The following GRIP1 variants were observed in gnomAD, a reference collection of about 807,000 sequenced individuals.
The protein encoded by GRIP1 is glutamate receptor interacting protein 1.
In GRIP1, 45 loss-of-function variants were observed where a neutral mutation model predicts 129.9. That is an observed-to-expected ratio of 0.35 (90% CI 0.27 to 0.44). The LOEUF is 0.44. Ranked by LOEUF, GRIP1 falls within the 20% of genes least tolerant of loss-of-function variation. GRIP1 has a pLI of 1.00. For missense variants in GRIP1, 1,196 were observed against 1,396.8 expected (o/e 0.86, Z 2.29); for synonymous variants, 530 against 520.8 (o/e 1.02, Z -0.24).
At chr12:66,509,551 TG>T (rs2060633501) in intron 7 of GRIP1, among the ~76,000 whole-genome samples, 1 of 152,158 alleles carries the variant, frequency 6.6e-6, no homozygotes, top group Non-Finnish European at 1.5e-5. Context: ...TGGACCCAAA[TG>T]CCCATTAATC....
intron 1 of GRIP1, among the ~76,000 whole-genome samples, chr12:66,886,165 C>T (rs943328652): frequency 6.6e-6 from 1 of 152,028 alleles, no homozygotes; most frequent in African/African-American, 2.4e-5. Context: ...AGTTGGGAGG[C>T]TGAGGCAGGA....
chr12:67,059,690 C>T (rs1104655), intron 1 of GRIP1, among the ~76,000 whole-genome samples: 27,153 of 152,122 alleles, frequency 0.18, 2,860 homozygotes, highest in African/African-American at 0.3. Context: ...TTATGTTTCA[C>T]TTGTATATCT....
intron 1 of GRIP1, among the ~76,000 whole-genome samples, chr12:66,705,324 A>T (rs2035489832): frequency 1.3e-5 from 2 of 152,124 alleles, no homozygotes; most frequent in South Asian, 4.1e-4. Flanking sequence ...AAGAGAATAA[A>T]ATACCTAGGA....
intron 1 of GRIP1, among the ~76,000 whole-genome samples, chr12:66,982,116 G>A (rs1051043105): frequency 2.0e-5 from 3 of 152,196 alleles, no homozygotes; most frequent in Admixed American, 6.5e-5. Context: ...TGAGAAAACA[G>A]AAGGTCAAAG....
chr12:66,555,889 T>C (rs1460361648), intron 2 of GRIP1, among the ~76,000 whole-genome samples: 3 of 151,098 alleles, frequency 2.0e-5, no homozygotes, highest in African/African-American at 7.4e-5. Context: ...GAAAAAAGAA[T>C]GAAAAAGGAA....
chr12:66,435,553 G>A (rs2058278554), intron 13 of GRIP1, among the ~76,000 whole-genome samples: 1 of 152,142 alleles, frequency 6.6e-6, no homozygotes, highest in East Asian at 1.9e-4. Context: ...TGAAAGGGGA[G>A]GGGAGCATAC....
chr12:66,859,164 C>A (rs1337870173), intron 1 of GRIP1, among the ~76,000 whole-genome samples: 1 of 149,206 alleles, frequency 6.7e-6, no homozygotes, highest in African/African-American at 2.5e-5. Context: ...AAGCCAGAAG[C>A]AAAACCATTT....
At chr12:66,769,798 G>C (rs1271737570) in intron 1 of GRIP1, among the ~76,000 whole-genome samples, 2 of 151,994 alleles carry the variant, frequency 1.3e-5, no homozygotes, top group African/African-American at 4.8e-5. Flanking sequence ...TACACCTCTT[G>C]AACTCACAAA....
intron 1 of GRIP1, among the ~76,000 whole-genome samples, chr12:66,791,141 G>A (rs1268376240): frequency 6.6e-6 from 1 of 152,172 alleles, no homozygotes; most frequent in East Asian, 1.9e-4. Context: ...ACAAGGCATC[G>A]CTCAATCACT....
chr12:66,969,737 A>G (rs912427690), intron 1 of GRIP1, among the ~76,000 whole-genome samples: 4 of 150,864 alleles, frequency 2.7e-5, no homozygotes, highest in Non-Finnish European at 5.9e-5. Flanking sequence ...CCATTCTTTT[A>G]TTTTTGCATT....
At chr12:66,452,268 C>T (rs911236635) in intron 11 of GRIP1, among the ~76,000 whole-genome samples, 2 of 152,162 alleles carry the variant, frequency 1.3e-5, no homozygotes, top group African/African-American at 4.8e-5. Context: ...CACAGGCAGC[C>T]AGGGAAAGGG....
intron 2 of GRIP1, among the ~76,000 whole-genome samples, chr12:66,570,101 TTGCA>T (rs2062907929): frequency 1.7e-5 from 2 of 115,486 alleles, no homozygotes; most frequent in African/African-American, 6.5e-5. Context: ...TTTGTAGGCA[TTGCA>T]TGTATGTATG....
intron 15 of GRIP1, 52 bp from the exon 16 acceptor site, chr12:66,406,480 C>A (rs776980069): frequency 1.3e-6 from 2 of 1,557,038 alleles, no homozygotes; most frequent in African/African-American, 1.4e-5. Flanking sequence ...CTTAACTAGG[C>A]CATTTAAAGA....
At chr12:66,610,190 A>T (rs77664364) in intron 1 of GRIP1, among the ~76,000 whole-genome samples, 6,166 of 152,144 alleles carry the variant, frequency 0.041, 173 homozygotes, top group Non-Finnish European at 0.062. Context: ...CTTATGAGAA[A>T]ATCAGGAAGG....
At chr12:66,583,285 A>T (rs1248337501) in intron 2 of GRIP1, among the ~76,000 whole-genome samples, 1 of 150,464 alleles carries the variant, frequency 6.6e-6, no homozygotes, top group Non-Finnish European at 1.5e-5. Context: ...TAAACGTTAG[A>T]CCTAAAACCA....
At chr12:66,375,689 A>G (rs959702370) in intron 22 of GRIP1, among the ~76,000 whole-genome samples, 2 of 152,360 alleles carry the variant, frequency 1.3e-5, no homozygotes, top group South Asian at 4.1e-4. Flanking sequence ...CAGCAAATTC[A>G]TAGGCTGTGG....
chr12:66,747,666 C>A (rs1341164997), intron 1 of GRIP1, among the ~76,000 whole-genome samples: 1 of 152,122 alleles, frequency 6.6e-6, no homozygotes, highest in Non-Finnish European at 1.5e-5. Flanking sequence ...AAGGCATATA[C>A]CCAGCAAGAG....
At chr12:66,907,010 C>G (rs2040944609) in intron 1 of GRIP1, among the ~76,000 whole-genome samples, 1 of 152,182 alleles carries the variant, frequency 6.6e-6, no homozygotes, top group Non-Finnish European at 1.5e-5. Context: ...CAAACTTTGT[C>G]TCACCAGTTT....
intron 19 of GRIP1, among the ~76,000 whole-genome samples, chr12:66,384,506 G>T (rs1303476261): frequency 6.6e-6 from 1 of 152,286 alleles, no homozygotes; most frequent in South Asian, 2.1e-4. Context: ...AGTATTTGGG[G>T]ACTAGATTAC....
Sources: gnomAD v4.1 joint callset for allele counts (sites outside exome capture counted in the v4.1 genomes callset) on GRCh38, gnomAD v4.1.1 for gene constraint, MANE v1.5 for transcripts, NCBI Gene and HGNC (gene_info 2026-07-23, HGNC 2026-07-21) for gene names.